Variants in CACNA1B observed in about 807,000 individuals in gnomAD.
CACNA1B encodes voltage-dependent N-type calcium channel subunit alpha-1B.
In CACNA1B, 70 loss-of-function variants were observed where a neutral mutation model predicts 247.2. That is an observed-to-expected ratio of 0.28 (90% CI 0.23 to 0.35). The LOEUF (loss-of-function observed/expected upper bound fraction) is 0.35. Among genes scored for constraint, CACNA1B ranks in the 10% least tolerant of loss-of-function variants. The probability of loss-of-function intolerance (pLI) is 1.00; values close to 1 mark genes in which losing one functional copy is unlikely to be tolerated. For synonymous variants in CACNA1B, 1,231 were observed against 1,294.4 expected (o/e 0.95, Z 1.05); for missense variants, 2,367 against 3,197.4 (o/e 0.74, Z 6.26).
intron 20 of CACNA1B, among the ~76,000 whole-genome samples, chr9:138,041,661 C>T (rs1959124308): frequency 6.6e-6 from 1 of 152,182 alleles, no homozygotes; most frequent in African/African-American, 2.4e-5. Flanking sequence ...ATAGTTCCAT[C>T]CGAGCCCTGG....
chr9:138,101,142 G>A (rs777767652), intron 37 of CACNA1B: 13 of 533,076 alleles, frequency 2.4e-5, no homozygotes, highest in Admixed American at 9.7e-5. Flanking sequence ...AGTTTGTTGC[G>A]TTGTATTGCG....
In CACNA1B at chr9:138,023,642, C is replaced by A; in HGVS notation, c.2899C>A (p.Arg967=). 4 of 1,403,494 alleles carry A rather than the reference C, an allele frequency of 2.9e-6. No homozygotes were observed. Among genetic ancestry groups the A allele is most frequent in the Non-Finnish European group, 2.8e-6 (3 of 1,070,934 alleles). The allele number at this position is 1,403,494 out of a possible 1,614,324, so 86.9% of individuals were successfully genotyped here. A position where few individuals can be genotyped will look rare whatever the true frequency, so the allele number is the denominator to read the frequency against. The change falls in exon 19 of 47, where the codon CGG becomes AGG. Residue 967 remains arginine, a synonymous_variant. Coordinates refer to ENST00000371372, the MANE Select transcript of CACNA1B (RefSeq NM_000718.4). ...CCGCGGCGGCCCCCGAGCGGGGCCC[C>A]GGGAGGCGGAGAGCGGGGAGGAGCC... ...RHRGGPRAGP[R]EAESGEEPAR...
intron 6 of CACNA1B, among the ~76,000 whole-genome samples, chr9:137,941,120 G>A (rs913189688): frequency 6.6e-6 from 1 of 152,088 alleles, no homozygotes; most frequent in African/African-American, 2.4e-5. Context: ...GAGGAAGTCA[G>A]ACTGTCGCTG....
intron 37 of CACNA1B, among the ~76,000 whole-genome samples, chr9:138,097,436 A>G (rs1961092015): frequency 6.6e-6 from 1 of 152,120 alleles, no homozygotes; most frequent in Non-Finnish European, 1.5e-5. Flanking sequence ...TGGCTTCTCC[A>G]TCTTTCTGTT....
intron 6 of CACNA1B, among the ~76,000 whole-genome samples, chr9:137,922,646 G>A (rs759569879): frequency 6.6e-6 from 1 of 152,212 alleles, no homozygotes; most frequent in Non-Finnish European, 1.5e-5. Flanking sequence ...GCAGTGGGAA[G>A]TAACTGCAGG....
rs111282352 is a variant in CACNA1B at position 137,908,314 on chromosome 9, G to A, written c.531-4866G>A. On this transcript the variant is annotated intron_variant, in intron 3 of 46. Transcript: ENST00000371372. ...GCGGATCACCTGAGGTCAGGAGTTC[G>A]AGACCAGCCTGGCCAACATGGTGGA... is the stretch of plus-strand genomic sequence containing the variant. 6.5e-4 allele frequency among the ~76,000 whole-genome samples: 99 copies of A among 152,166 alleles called. 2 individuals carry two copies. The highest frequency in any genetic ancestry group is 2.2e-3 in the African/African-American group (92 of 41,536).
intron 20 of CACNA1B, among the ~76,000 whole-genome samples, chr9:138,043,207 C>T (rs1016403168): frequency 6.6e-5 from 10 of 152,272 alleles, no homozygotes; most frequent in African/African-American, 2.2e-4. Context: ...GGCGACGAGT[C>T]GGGGCCTGGC....
rs571751840 is a variant in CACNA1B at position 138,073,081 on chromosome 9, A to G, written c.4675-407A>G. ...TCCCTTCCGGGGTGCTGGGTGGAGA[A>G]GCAGTCATGCCCAGCACGTGGCCAG... On this transcript the variant is annotated intron_variant, in intron 32 of 46. Coordinates refer to ENST00000371372, the MANE Select transcript of CACNA1B (RefSeq NM_000718.4). The surrounding 1 kb of genome is among the most constrained non-coding windows in gnomAD (Gnocchi z 6.4). Among the ~76,000 whole-genome samples the G allele has an allele frequency of 1.3e-5, 2 of 152,310 alleles. No homozygotes were observed. The highest frequency in any genetic ancestry group is 4.1e-4 in the South Asian group (2 of 4,820).
chr9:138,109,195 G>A (rs981944343), intron 39 of CACNA1B, among the ~76,000 whole-genome samples: 10 of 152,140 alleles, frequency 6.6e-5, no homozygotes, highest in Non-Finnish European at 1.5e-4. Context: ...TCACTTATAC[G>A]GTCAATTGAT....
At chr9:138,112,354 A>G (rs1961668351) in intron 39 of CACNA1B, 44 bp from the exon 40 acceptor site, 1 of 1,457,594 alleles carries the variant, frequency 6.9e-7, no homozygotes, top group Non-Finnish European at 9.6e-7. Flanking sequence ...GGCTGCTCCT[A>G]ACATCTCTGT....
At chr9:137,906,209 G>A (rs1746169408) in intron 3 of CACNA1B, among the ~76,000 whole-genome samples, 1 of 152,204 alleles carries the variant, frequency 6.6e-6, no homozygotes, top group South Asian at 2.1e-4. Flanking sequence ...GAGGATTATA[G>A]CAACTCCTCC....
At chr9:138,066,598 T>C (rs1959925923) in intron 31 of CACNA1B, among the ~76,000 whole-genome samples, 2 of 152,174 alleles carry the variant, frequency 1.3e-5, no homozygotes, top group Non-Finnish European at 2.9e-5. Context: ...GCTGAGACAC[T>C]AACAGTACCT....
intron 39 of CACNA1B, among the ~76,000 whole-genome samples, chr9:138,106,606 A>G (rs1388315008): frequency 1.3e-5 from 2 of 152,128 alleles, no homozygotes; most frequent in African/African-American, 4.8e-5. Context: ...CATCTCTACT[A>G]AAAATACAAA....
At chr9:137,923,207 G>A (rs898538436) in intron 6 of CACNA1B, among the ~76,000 whole-genome samples, 55 of 151,740 alleles carry the variant, frequency 3.6e-4, no homozygotes, top group African/African-American at 1.2e-3. Flanking sequence ...GTGGTGCCAG[G>A]TGGTATTCCG....
In CACNA1B at chr9:138,102,045, C is replaced by G. The variant is rs1961270207; in HGVS notation, c.5223-666C>G. ...CCCTCCCGCAGTCTCCCATTTCCCA[C>G]CCAGCCCTGAGCCCCAGCAGCAGCC... On this transcript the variant is annotated intron_variant, in intron 37 of 46. Transcript: ENST00000371372. The surrounding 1 kb of genome is among the most constrained non-coding windows in gnomAD (Gnocchi z 5.4). 6.6e-6 allele frequency among the ~76,000 whole-genome samples: 1 copy of G among 152,224 alleles called. No individual in the cohort carries two copies. The highest frequency in any genetic ancestry group is 2.4e-5 in the African/African-American group (1 of 41,470).
chr9:137,951,113 TTGG>T (rs1589028265), intron 6 of CACNA1B, among the ~76,000 whole-genome samples: 1 of 152,282 alleles, frequency 6.6e-6, no homozygotes, highest in East Asian at 1.9e-4. Flanking sequence ...GTTGGTGGCT[TTGG>T]TGGCCACTCA....
chr9:137,965,303 C>A (rs1240763368), intron 10 of CACNA1B, among the ~76,000 whole-genome samples: 2 of 152,258 alleles, frequency 1.3e-5, no homozygotes, highest in Admixed American at 6.5e-5. Flanking sequence ...GGCTGAGAAG[C>A]CTGAATGACC....
intron 36 of CACNA1B, among the ~76,000 whole-genome samples, chr9:138,079,771 A>T: frequency 8.1e-6 from 1 of 122,904 alleles, no homozygotes; most frequent in East Asian, 2.6e-4. Context: ...AAAAAGAGGG[A>T]GGCTGAGACA....
At chr9:138,068,229 G>A (rs1564270047) in intron 31 of CACNA1B, among the ~76,000 whole-genome samples, 2 of 152,204 alleles carry the variant, frequency 1.3e-5, no homozygotes, top group Admixed American at 6.5e-5. Flanking sequence ...AAGAAGGGAA[G>A]GTAGTGGCTG....
Sources: gnomAD v4.1 joint callset for allele counts (sites outside exome capture counted in the v4.1 genomes callset) on GRCh38, gnomAD v4.1.1 for gene constraint, Gnocchi (gnomAD v3.1) non-coding constraint, MANE v1.5 for transcripts, NCBI Gene and HGNC (gene_info 2026-07-23, HGNC 2026-07-21) for gene names.